The following PLEKHM3 variants were observed in gnomAD, a reference collection of about 807,000 sequenced individuals.
The protein encoded by PLEKHM3 is pleckstrin homology domain-containing family M member 3.
Under a neutral mutation model 81.8 loss-of-function variants are expected in PLEKHM3, and 45 were observed. The ratio of observed to expected loss-of-function variants is 0.55; its 90% CI spans 0.43 to 0.71. The LOEUF (loss-of-function observed/expected upper bound fraction) is 0.71. Among genes scored for constraint, PLEKHM3 ranks in the 30% least tolerant of loss-of-function variants. The pLI, the probability that PLEKHM3 is intolerant of heterozygous loss-of-function variation, is 0.00. For synonymous variants in PLEKHM3, 352 were observed against 356.4 expected (o/e 0.99, Z 0.14); for missense variants, 788 against 924.3 (o/e 0.85, Z 1.91).
Position 208,001,474 on chromosome 2 carries a change from C to G in PLEKHM3, c.166G>C (p.Asp56His), listed in dbSNP as rs1211078233. 1.2e-6 allele frequency: 2 copies of G among 1,614,220 alleles called. No homozygotes were observed. The highest frequency in any genetic ancestry group is 1.7e-6 in the Non-Finnish European group (2 of 1,180,028). ...GTGACATTTCTCATAGCACCATTGTCTGTTATGTTACTGAGTACCTCATGC... is the reference window on the plus strand; with the variant it reads ...GTGACATTTCTCATAGCACCATTGTGTGTTATGTTACTGAGTACCTCATGC... ...VGHEVLSNIT[D>H]NGAMRNVTSL... Residue 56 changes from aspartate (D) to histidine (H), a missense_variant, in exon 2 of 8, where the codon GAC (aspartate) becomes CAC (histidine). Asp to His is a moderately conservative substitution (Grantham distance 81). Coordinates refer to ENST00000427836, the MANE Select transcript of PLEKHM3 (RefSeq NM_001080475.3).
chr2:208,008,897 T>C (rs915902925), intron 1 of PLEKHM3, among the ~76,000 whole-genome samples: 3 of 152,258 alleles, frequency 2.0e-5, no homozygotes, highest in African/African-American at 7.2e-5. Flanking sequence ...TAACTTCTTC[T>C]ATATTCACGC....
chr2:207,904,016 G>A (rs1688525119), intron 6 of PLEKHM3, among the ~76,000 whole-genome samples: 1 of 152,104 alleles, frequency 6.6e-6, no homozygotes, highest in Admixed American at 6.6e-5. Context: ...CCAAGGAAAA[G>A]CTCTTAAAAA....
intron 7 of PLEKHM3, among the ~76,000 whole-genome samples, chr2:207,829,087 T>C (rs531701964): frequency 2.0e-5 from 3 of 152,320 alleles, no homozygotes; most frequent in African/African-American, 4.8e-5. Flanking sequence ...CCTTTGTAAG[T>C]CTACCTTTAT....
At chr2:207,831,196 C>T (rs1448149811) in intron 7 of PLEKHM3, among the ~76,000 whole-genome samples, 1 of 152,216 alleles carries the variant, frequency 6.6e-6, no homozygotes, top group Non-Finnish European at 1.5e-5. Flanking sequence ...CTGACTTCAC[C>T]CATGTCACTA....
chr2:207,833,574 TGA>T (rs2092300650), intron 7 of PLEKHM3, among the ~76,000 whole-genome samples: 1 of 152,204 alleles, frequency 6.6e-6, no homozygotes, highest in African/African-American at 2.4e-5. Flanking sequence ...ACTGACATTT[TGA>T]GTTATAATCC....
chr2:207,923,814 C>T (rs1313653706), intron 5 of PLEKHM3, among the ~76,000 whole-genome samples: 1 of 142,766 alleles, frequency 7.0e-6, no homozygotes, highest in Non-Finnish European at 1.5e-5. Flanking sequence ...TACCTGACCA[C>T]ATGGATATAT....
At chr2:207,924,913 T>C (rs754914435) in intron 5 of PLEKHM3, among the ~76,000 whole-genome samples, 15 of 151,544 alleles carry the variant, frequency 9.9e-5, no homozygotes, top group Non-Finnish European at 1.6e-4. Flanking sequence ...CAGGACAGAG[T>C]GCAGAGAAGG....
At chr2:207,974,596 G>A (rs11896789) in intron 3 of PLEKHM3, among the ~76,000 whole-genome samples, 8,184 of 152,194 alleles carry the variant, frequency 0.054, 707 homozygotes, top group African/African-American at 0.18. Context: ...CTAAAGCCAC[G>A]GAAGTGTACC....
chr2:207,932,851 C>T lies in PLEKHM3; in HGVS notation c.1693-1732G>A, dbSNP rs377545793. ...CAACAGGCAGAAACAAACATAAAAA[C>T]CCCTCTGTATGTATATGTCATAATT... On this transcript the variant is annotated intron_variant, in intron 4 of 7. Transcript: ENST00000427836. Among the ~76,000 whole-genome samples the T allele has an allele frequency of 1.1e-3, 168 of 152,202 alleles. 5 individuals are homozygous for T. The South Asian group carries it at 0.033, about 30-fold the overall frequency.
chr2:208,008,254 T>A (rs1692564611), intron 1 of PLEKHM3, among the ~76,000 whole-genome samples: 1 of 151,154 alleles, frequency 6.6e-6, no homozygotes, highest in South Asian at 2.1e-4. Context: ...AATAAATAAA[T>A]AAAAATAATT....
chr2:207,927,221 C>G (rs188392487), intron 5 of PLEKHM3, among the ~76,000 whole-genome samples: 36 of 152,268 alleles, frequency 2.4e-4, no homozygotes, highest in Admixed American at 7.2e-4. Flanking sequence ...GATGTCGTAT[C>G]CTCAGGTAAA....
intron 2 of PLEKHM3, among the ~76,000 whole-genome samples, chr2:207,980,621 T>G (rs977187703): frequency 6.6e-6 from 1 of 152,056 alleles, no homozygotes; most frequent in African/African-American, 2.4e-5. Context: ...CAGACTGGAG[T>G]GCAATGGCGT....
chr2:207,995,068 C>A (rs1053428164), intron 2 of PLEKHM3, among the ~76,000 whole-genome samples: 1 of 152,168 alleles, frequency 6.6e-6, no homozygotes, highest in African/African-American at 2.4e-5. Context: ...GCTCTCCCTT[C>A]CATGCTTACA....
chr2:207,822,596 T>C lies in PLEKHM3; in HGVS notation c.*5723A>G, dbSNP rs1056125691. Reference sequence around the variant, plus strand: ...AATGGCACTAAGAAGCCAATGTTTGTACCATTCTACTTTAACGACGTGTTT... The same window carrying C: ...AATGGCACTAAGAAGCCAATGTTTGCACCATTCTACTTTAACGACGTGTTT... On this transcript the variant is annotated 3_prime_UTR_variant, in exon 8 of 8. Coordinates refer to ENST00000427836, the MANE Select transcript of PLEKHM3 (RefSeq NM_001080475.3). 4 of 152,850 alleles carry C rather than the reference T, an allele frequency of 2.6e-5. No individual in the cohort carries two copies. Among genetic ancestry groups the C allele is most frequent in the African/African-American group, 9.6e-5 (4 of 41,470 alleles). 9.5% of individuals were successfully genotyped at this position (152,850 alleles called of 1,614,324 possible). A position where few individuals can be genotyped will look rare whatever the true frequency, so the allele number is the denominator to read the frequency against.
At chr2:207,923,903 ATATT>A (rs1362711630) in intron 5 of PLEKHM3, among the ~76,000 whole-genome samples, 3 of 59,828 alleles carry the variant, frequency 5.0e-5, no homozygotes, top group Admixed American at 2.8e-4. Flanking sequence ...ATATATATAT[ATATT>A]TTTTTTTTTT....
In PLEKHM3 at chr2:207,936,249, G is replaced by A. The variant is rs537595958; in HGVS notation, c.1693-5130C>T. On this transcript the variant is annotated intron_variant, in intron 4 of 7. Coordinates refer to ENST00000427836, the MANE Select transcript of PLEKHM3 (RefSeq NM_001080475.3). ...AGCCTCCAAAAGCACTAGGATTATA[G>A]GCACGAGCCACTGCGCCCAGTCTAT... Among the ~76,000 whole-genome samples, 106 of 152,290 alleles carry A rather than the reference G, an allele frequency of 7.0e-4. 1 individual carries two copies. Among genetic ancestry groups the A allele is most frequent in the Middle Eastern group, 6.8e-3 (2 of 294 alleles).
intron 1 of PLEKHM3, among the ~76,000 whole-genome samples, chr2:208,018,146 G>A (rs527757516): frequency 3.9e-5 from 6 of 152,194 alleles, no homozygotes; most frequent in South Asian, 4.1e-4. Flanking sequence ...AGGCCAAGGC[G>A]GGTGGATCAC....
intron 7 of PLEKHM3, among the ~76,000 whole-genome samples, chr2:207,840,800 T>TTTTTA (rs2092346440): frequency 9.5e-6 from 1 of 104,808 alleles, no homozygotes; most frequent in Non-Finnish European, 1.7e-5. Context: ...ACTTTTTATG[T>TTTTTA]TTTTTTTTTT....
intron 7 of PLEKHM3, among the ~76,000 whole-genome samples, chr2:207,842,092 C>T (rs1049796422): frequency 6.5e-4 from 99 of 152,188 alleles, no homozygotes; most frequent in African/African-American, 2.3e-3. Flanking sequence ...CGCACGCCAC[C>T]ACGCCCAGCT....
Sources: allele counts gnomAD v4.1 joint callset (sites outside exome capture counted in the v4.1 genomes callset), GRCh38; gene constraint gnomAD v4.1.1; transcripts MANE v1.5; gene names NCBI Gene and HGNC (gene_info 2026-07-23, HGNC 2026-07-21).